PLA2G12B: variants seen among roughly 807,000 people sequenced by gnomAD.
The protein encoded by PLA2G12B is group XIIB secretory phospholipase A2-like protein.
Under a neutral mutation model 22.3 loss-of-function variants are expected in PLA2G12B, and 19 were observed. That is an observed-to-expected ratio of 0.85 (90% CI 0.60 to 1.25). PLA2G12B has a LOEUF of 1.25. Ranked by LOEUF, PLA2G12B falls within the 50% of genes most tolerant of loss-of-function variation. The pLI is 0.00. For missense variants in PLA2G12B, 191 were observed against 246.6 expected (o/e 0.77, Z 1.51); for synonymous variants, 81 against 94.9 (o/e 0.85, Z 0.85).
chr10:72,937,099 T>C (rs1293561509), intron 3 of PLA2G12B, among the ~76,000 whole-genome samples: 1 of 152,062 alleles, frequency 6.6e-6, no homozygotes, highest in Non-Finnish European at 1.5e-5. Flanking sequence ...TAGTCCCAGC[T>C]ACTCAGGAGG....
rs780643978 is a variant in PLA2G12B, at chr10:72,935,669, T to G, written c.536A>C (p.Asn179Thr). 8 of 1,614,162 alleles carry G rather than the reference T, an allele frequency of 5.0e-6. No individual in the cohort carries two copies. Among genetic ancestry groups the G allele is most frequent in the Non-Finnish European group, 5.9e-6 (7 of 1,180,020 alleles). ...ACAGATGCAAGCTGCCCGCTGACTA[T>G]TCATAAAGGGGCGGCAGCCCAAGGT... ...VWTLGCRPFMNSQRAACICAE... is the reference protein window; with the variant it reads ...VWTLGCRPFMTSQRAACICAE... Residue 179 changes from asparagine (N) to threonine (T), a missense_variant, in exon 4 of 4, where the codon AAT becomes ACT. Coordinates refer to ENST00000373032, the MANE Select transcript of PLA2G12B (RefSeq NM_032562.5).
chr10:72,939,863 T>C (rs1846333207), intron 3 of PLA2G12B, among the ~76,000 whole-genome samples: 1 of 152,234 alleles, frequency 6.6e-6, no homozygotes, highest in South Asian at 2.1e-4. Flanking sequence ...ATCTATTGAA[T>C]GATTTACACA....
Position 72,935,708 on chromosome 10 carries a change from A to C in PLA2G12B, c.497T>G (p.Phe166Cys). The C allele has an allele frequency of 6.2e-7, 1 of 1,614,184 alleles. No homozygotes were observed. The highest frequency in any genetic ancestry group is 1.1e-5 in the South Asian group (1 of 91,078). ...AACDSLVDTV[F>C]NTVWTLGCRP... Reference sequence around the variant, plus strand: ...GCAGCCCAAGGTCCACACGGTGTTGAACACAGTGTCAACCAGGGAATCACA... The same window carrying C: ...GCAGCCCAAGGTCCACACGGTGTTGCACACAGTGTCAACCAGGGAATCACA... The change falls in exon 4 of 4, where the codon TTC becomes TGC. Residue 166 changes from phenylalanine (F) to cysteine (C), a missense_variant. Coordinates refer to ENST00000373032, the MANE Select transcript of PLA2G12B (RefSeq NM_032562.5).
Position 72,950,807 on chromosome 10 carries a change from G to A in PLA2G12B, c.211+3668C>T, listed in dbSNP as rs542280778. ...TAAGATACTCTTGGAACTAAATCCA[G>A]GAAGAAATTCATTTTCAGGATCTTT... On this transcript the variant is annotated intron_variant, in intron 1 of 3. Coordinates refer to ENST00000373032, the MANE Select transcript of PLA2G12B (RefSeq NM_032562.5). 6.6e-5 allele frequency among the ~76,000 whole-genome samples: 10 copies of A among 152,334 alleles called. 1 individual carries two copies. The South Asian group carries it at 1.2e-3, about 19-fold the overall frequency.
intron 2 of PLA2G12B, 116 bp from the exon 3 acceptor site, chr10:72,941,450 C>A (rs1448583590): frequency 1.0e-6 from 1 of 995,884 alleles, no homozygotes. Context: ...ATTTCTGTTG[C>A]ATATCCCGAT....
chr10:72,935,432 T>C lies in PLA2G12B; in HGVS notation c.*185A>G. 1 of 837,274 alleles carries C rather than the reference T, an allele frequency of 1.2e-6. No homozygotes were observed. The allele number at this position is 837,274 out of a possible 1,614,324, so 51.9% of individuals were successfully genotyped here. A position where few individuals can be genotyped will look rare whatever the true frequency, so the allele number is the denominator to read the frequency against. On this transcript the variant is annotated 3_prime_UTR_variant, in exon 4 of 4. Coordinates refer to ENST00000373032, the MANE Select transcript of PLA2G12B (RefSeq NM_032562.5). ...AGAGTAGCTTTCAAACCACTCCATG[T>C]CTTTTTTCAAATTTCCTCAAAGGAT...
At position 72,935,127 on chromosome 10, in the gene PLA2G12B, C is replaced by G. The variant is rs974537527; in HGVS notation, c.*490G>C. 1 of 153,782 alleles carries G rather than the reference C, an allele frequency of 6.5e-6. No individual in the cohort carries two copies. Among genetic ancestry groups the G allele is most frequent in the Non-Finnish European group, 1.4e-5 (1 of 69,178 alleles). 9.5% of individuals were successfully genotyped at this position (153,782 alleles called of 1,614,324 possible). Reference sequence around the variant, plus strand: ...TTACCAGGTTCAGTTTTGGTCTCTTCTAAGTGAAATGGAAGCACATTGGTG... The same window carrying G: ...TTACCAGGTTCAGTTTTGGTCTCTTGTAAGTGAAATGGAAGCACATTGGTG... On this transcript the variant is annotated 3_prime_UTR_variant, in exon 4 of 4. Transcript: ENST00000373032.
intron 1 of PLA2G12B, among the ~76,000 whole-genome samples, chr10:72,950,861 C>T (rs1052623799): frequency 6.6e-6 from 1 of 152,312 alleles, no homozygotes; most frequent in Admixed American, 6.5e-5. Flanking sequence ...TGAACAGTAT[C>T]ATTATAGAAA....
At chr10:72,940,979 G>T (rs1323520640) in intron 3 of PLA2G12B, among the ~76,000 whole-genome samples, 190 bp downstream of exon 3, 1 of 152,132 alleles carries the variant, frequency 6.6e-6, no homozygotes, top group Non-Finnish European at 1.5e-5. Flanking sequence ...TCGCGGGCAG[G>T]ACAGCAAGAA....
chr10:72,935,758 G>A lies in PLA2G12B; in HGVS notation c.467-20C>T. On this transcript the variant is annotated intron_variant, in intron 3 of 3. Transcript: ENST00000373032. ...AGGCTGCTTGAAAAAGATGAAGAGG[G>A]ACAGAAAGGTTAACCCTGAGTAATT... 6.2e-7 allele frequency: 1 copy of A among 1,612,658 alleles called. No homozygotes were observed. Among genetic ancestry groups the A allele is most frequent in the Non-Finnish European group, 8.5e-7 (1 of 1,179,208 alleles).
chr10:72,939,206 G>A (rs1366904640), intron 3 of PLA2G12B, among the ~76,000 whole-genome samples: 3 of 152,192 alleles, frequency 2.0e-5, no homozygotes, highest in Admixed American at 2.0e-4. Flanking sequence ...AAGCATTTAA[G>A]TGGGTGAATT....
intron 1 of PLA2G12B, among the ~76,000 whole-genome samples, chr10:72,952,663 C>A (rs187577718): frequency 1.5e-3 from 235 of 152,348 alleles, no homozygotes; most frequent in Non-Finnish European, 2.8e-3. Context: ...TTGGGCACAG[C>A]CGCCAGGTTT....
At chr10:72,937,188 C>T (rs888733405) in intron 3 of PLA2G12B, among the ~76,000 whole-genome samples, 2 of 151,988 alleles carry the variant, frequency 1.3e-5, no homozygotes, top group East Asian at 1.9e-4. Flanking sequence ...CCAGCCTGGG[C>T]GACAGAGCGA....
intron 1 of PLA2G12B, among the ~76,000 whole-genome samples, chr10:72,954,104 C>A (rs1169535334): frequency 6.7e-6 from 1 of 149,032 alleles, no homozygotes; most frequent in Non-Finnish European, 1.5e-5. Context: ...CTCATACCCA[C>A]CCTCCTTCTT....
chr10:72,935,346 T>C lies in PLA2G12B; in HGVS notation c.*271A>G, dbSNP rs928785069. ...CAGGGTTTGCTTGCATTTTAGTCTTTAAGCTAAGAACTGAATTTCCAGGCA... is the reference window on the plus strand; with the variant it reads ...CAGGGTTTGCTTGCATTTTAGTCTTCAAGCTAAGAACTGAATTTCCAGGCA... On this transcript the variant is annotated 3_prime_UTR_variant, in exon 4 of 4. Transcript: ENST00000373032. The C allele has an allele frequency of 4.6e-5, 15 of 325,044 alleles. No individual in the cohort carries two copies. In the Admixed American group the frequency reaches 6.8e-4, roughly 15 times the overall value. 20.1% of individuals were successfully genotyped at this position (325,044 alleles called of 1,614,324 possible).
rs11000465 is a variant in PLA2G12B, at chr10:72,945,334, C to T, written c.212-2594G>A. Among the ~76,000 whole-genome samples, 1,101 of 152,188 alleles carry T rather than the reference C, an allele frequency of 7.2e-3. 16 individuals carry two copies. The highest frequency in any genetic ancestry group is 0.025 in the African/African-American group (1,037 of 41,532). On this transcript the variant is annotated intron_variant, in intron 1 of 3. Transcript: ENST00000373032. ...CTCTCTTACTCTCCCTCTCTCTCAC[C>T]GTTCACTCTAGGGGAAGTTATGTCA...
intron 1 of PLA2G12B, among the ~76,000 whole-genome samples, chr10:72,952,704 C>T (rs1354841320): frequency 6.6e-6 from 1 of 152,170 alleles, no homozygotes; most frequent in African/African-American, 2.4e-5. Flanking sequence ...GGTAAGGAGG[C>T]ATAACCGCCT....
At chr10:72,942,879 G>GTGA (rs200492758) in intron 1 of PLA2G12B, 139 bp from the exon 2 acceptor site, 144 of 669,360 alleles carry the variant, frequency 2.2e-4, no homozygotes, top group African/African-American at 1.8e-3. Flanking sequence ...TCCAAATCAG[G>GTGA]TGATGATGAT....
intron 2 of PLA2G12B, among the ~76,000 whole-genome samples, chr10:72,941,641 G>C (rs1221622424): frequency 6.6e-6 from 1 of 152,106 alleles, no homozygotes; most frequent in South Asian, 2.1e-4. Context: ...AGACCAGAAG[G>C]GTAGTCAAGA....
Sources: gnomAD v4.1 joint callset for allele counts (sites outside exome capture counted in the v4.1 genomes callset) on GRCh38, gnomAD v4.1.1 for gene constraint, MANE v1.5 for transcripts, NCBI Gene and HGNC (gene_info 2026-07-23, HGNC 2026-07-21) for gene names.